The following NRG3 variants were observed in gnomAD, a reference collection of about 807,000 sequenced individuals.
NRG3 encodes pro-neuregulin-3, membrane-bound isoform.
In NRG3, 31 loss-of-function variants were observed where a neutral mutation model predicts 66.9. The ratio of observed to expected loss-of-function variants is 0.46; its 90% CI spans 0.35 to 0.63. NRG3 has a LOEUF of 0.63. Ranked by LOEUF, NRG3 falls within the 20% of genes least tolerant of loss-of-function variation. NRG3 has a pLI of 0.00. For missense variants in NRG3, 910 were observed against 878.9 expected (o/e 1.04, Z -0.45); for synonymous variants, 393 against 359.4 (o/e 1.09, Z -1.06).
At chr10:82,660,761 A>G (rs1430453573) in intron 2 of NRG3, among the ~76,000 whole-genome samples, 4 of 151,974 alleles carry the variant, frequency 2.6e-5, no homozygotes, top group Non-Finnish European at 5.9e-5. Context: ...TTTTCTGTCA[A>G]TTTATTAATA....
intron 1 of NRG3, among the ~76,000 whole-genome samples, chr10:82,241,648 A>G (rs1227260252): frequency 6.6e-6 from 1 of 152,164 alleles, no homozygotes; most frequent in Non-Finnish European, 1.5e-5. Context: ...GCCTTTATTT[A>G]CAGTGATCTT....
chr10:82,532,856 C>T (rs867994522), intron 2 of NRG3, among the ~76,000 whole-genome samples: 10 of 151,238 alleles, frequency 6.6e-5, no homozygotes, highest in African/African-American at 2.4e-4. Flanking sequence ...AAATTTTTTC[C>T]ATTGATGCCG....
intron 3 of NRG3, among the ~76,000 whole-genome samples, chr10:82,837,152 T>A (rs1212336690): frequency 6.6e-6 from 1 of 152,208 alleles, no homozygotes; most frequent in Non-Finnish European, 1.5e-5. Flanking sequence ...TTGTTGGACA[T>A]TTGGCTTGGT....
intron 3 of NRG3, among the ~76,000 whole-genome samples, chr10:82,790,938 C>A (rs959527623): frequency 3.3e-5 from 5 of 151,300 alleles, no homozygotes; most frequent in Non-Finnish European, 7.4e-5. Flanking sequence ...AAAATAATTT[C>A]TATATAATTA....
intron 1 of NRG3, among the ~76,000 whole-genome samples, chr10:82,093,094 C>A (rs1375757407): frequency 6.6e-6 from 1 of 152,256 alleles, no homozygotes; most frequent in Non-Finnish European, 1.5e-5. Flanking sequence ...TTATTAGTAG[C>A]CTTCCATGCA....
Position 82,721,462 on chromosome 10 carries a change from G to A in NRG3, c.954-17115G>A, listed in dbSNP as rs2057318014. The stretch of plus-strand genomic sequence containing the variant: ...CTTGAAACAGAGTTTCACTCTTGTC[G>A]CCCAGGCTGGAGTGCAATGGCACGA... On this transcript the variant is annotated intron_variant, in intron 2 of 8. Transcript: ENST00000372141. Among the ~76,000 whole-genome samples, 3 of 143,990 alleles carry A rather than the reference G, an allele frequency of 2.1e-5. No individual in the cohort carries two copies. The South Asian group carries it at 6.7e-4, about 32-fold the overall frequency. 94.5% of individuals were successfully genotyped at this position (143,990 alleles called of 152,430 possible). A position where few individuals can be genotyped will look rare whatever the true frequency, so the allele number is the denominator to read the frequency against.
intron 2 of NRG3, among the ~76,000 whole-genome samples, chr10:82,720,516 A>C (rs2057231853): frequency 6.6e-6 from 1 of 152,118 alleles, no homozygotes; most frequent in Non-Finnish European, 1.5e-5. Context: ...TGTTGAAATC[A>C]AATCTAAGCT....
In NRG3 at chr10:82,045,137, G is replaced by A. The variant is rs1463721708; in HGVS notation, c.823+168974G>A. Among the ~76,000 whole-genome samples, 66 of 125,774 alleles carry A rather than the reference G, an allele frequency of 5.2e-4. 1 individual carries two copies. The South Asian group carries it at 0.015, about 29-fold the overall frequency. The allele number at this position is 125,774 out of a possible 152,430, so 82.5% of individuals were successfully genotyped here. ...TCTAGTTCTAGATCCCTGAGGAATCGCCACACTGACTTCCACAATGGTTGA... is the reference window on the plus strand; with the variant it reads ...TCTAGTTCTAGATCCCTGAGGAATCACCACACTGACTTCCACAATGGTTGA... On this transcript the variant is annotated intron_variant, in intron 1 of 8. Transcript: ENST00000372141.
intron 1 of NRG3, among the ~76,000 whole-genome samples, chr10:81,885,314 A>G (rs1842529640): frequency 6.6e-6 from 1 of 152,186 alleles, no homozygotes; most frequent in African/African-American, 2.4e-5. Context: ...TTGGAATGAT[A>G]GCCTTTTAGT....
At chr10:82,637,604 A>G (rs1167354823) in intron 2 of NRG3, among the ~76,000 whole-genome samples, 2 of 152,190 alleles carry the variant, frequency 1.3e-5, no homozygotes. Flanking sequence ...ACATCAGGAA[A>G]ACCAAAATTG....
In NRG3 at chr10:82,710,534, C is replaced by T. The variant is rs543135701; in HGVS notation, c.954-28043C>T. 6.3e-4 allele frequency among the ~76,000 whole-genome samples: 83 copies of T among 130,780 alleles called. 2 individuals are homozygous for T. The South Asian group carries it at 0.015, about 24-fold the overall frequency. The allele number at this position is 130,780 out of a possible 152,430, so 85.8% of individuals were successfully genotyped here. ...CTAGGAGGAGGAGGTTGCAGTGAGC[C>T]GAGATCGCACGACTGCACTCCAGCC... On this transcript the variant is annotated intron_variant, in intron 2 of 8. Transcript: ENST00000372141.
chr10:82,504,504 G>C (rs1590382116), intron 2 of NRG3, among the ~76,000 whole-genome samples: 1 of 152,264 alleles, frequency 6.6e-6, no homozygotes, highest in East Asian at 1.9e-4. Flanking sequence ...TTAATGTACG[G>C]ATGATCAAAA....
intron 2 of NRG3, among the ~76,000 whole-genome samples, chr10:82,531,228 ATACAGGTT>A (rs1565033972): frequency 6.6e-6 from 1 of 151,762 alleles, no homozygotes; most frequent in Non-Finnish European, 1.5e-5. Context: ...ATGCGAGTCC[ATACAGGTT>A]TACAGGTAAT....
chr10:82,025,686 C>T (rs77853928), intron 1 of NRG3, among the ~76,000 whole-genome samples: 2,694 of 152,072 alleles, frequency 0.018, 111 homozygotes, highest in East Asian at 0.14. Flanking sequence ...AGTGAGAAAA[C>T]ATACTTTATT....
At chr10:82,341,039 A>T (rs914712675) in intron 1 of NRG3, among the ~76,000 whole-genome samples, 2 of 152,084 alleles carry the variant, frequency 1.3e-5, no homozygotes, top group African/African-American at 4.8e-5. Context: ...TGGATACCCC[A>T]TTTTCCATGT....
chr10:82,682,855 T>A (rs556053700), intron 2 of NRG3, among the ~76,000 whole-genome samples: 1 of 151,588 alleles, frequency 6.6e-6, no homozygotes, highest in East Asian at 1.9e-4. Context: ...AAACTAAAAC[T>A]CTTTGCAAAT....
intron 1 of NRG3, among the ~76,000 whole-genome samples, chr10:81,940,744 G>A (rs1003800647): frequency 2.6e-5 from 4 of 151,882 alleles, no homozygotes; most frequent in South Asian, 2.1e-4. Flanking sequence ...TCCAGGTATC[G>A]TGCACCTCTA....
chr10:81,971,825 A>G (rs142149297), intron 1 of NRG3, among the ~76,000 whole-genome samples: 11 of 152,346 alleles, frequency 7.2e-5, no homozygotes, highest in African/African-American at 2.6e-4. Context: ...ATTTGTCTAG[A>G]GAAAAGTCTC....
intron 1 of NRG3, among the ~76,000 whole-genome samples, chr10:81,921,173 T>C (rs1242372904): frequency 6.6e-6 from 1 of 151,882 alleles, no homozygotes; most frequent in Non-Finnish European, 1.5e-5. Context: ...AATAAACAAA[T>C]AAAAGCCTTT....
Sources: allele counts gnomAD v4.1 joint callset (sites outside exome capture counted in the v4.1 genomes callset), GRCh38; gene constraint gnomAD v4.1.1; transcripts MANE v1.5; gene names NCBI Gene and HGNC (gene_info 2026-07-23, HGNC 2026-07-21).